TRIM2: variants seen among roughly 807,000 people sequenced by gnomAD.
TRIM2 encodes tripartite motif-containing protein 2.
Under a neutral mutation model 75.2 loss-of-function variants are expected in TRIM2, and 20 were observed. The observed-to-expected ratio is 0.27, with a 90% CI of 0.19 to 0.39. TRIM2 has a LOEUF of 0.39. Among genes scored for constraint, TRIM2 ranks in the 10% least tolerant of loss-of-function variants. TRIM2 has a pLI of 1.00. For missense variants in TRIM2, 660 were observed against 990.8 expected, an observed-to-expected ratio of 0.67 and a Z score of 4.48; for synonymous variants, 373 against 388.3, an observed-to-expected ratio of 0.96 and a Z score of 0.46.
chr4:153,166,042 T>G (rs1730264583), intron 1 of TRIM2, among the ~76,000 whole-genome samples: 2 of 152,192 alleles, frequency 1.3e-5, no homozygotes, highest in Admixed American at 1.3e-4. Context: ...CCTCTAATTT[T>G]CTTATCTTTA....
chr4:153,326,802 G>A (rs933355750), intron 10 of TRIM2, among the ~76,000 whole-genome samples: 8 of 152,242 alleles, frequency 5.3e-5, no homozygotes, highest in South Asian at 4.1e-4. Flanking sequence ...CCAACAGGGC[G>A]AAACCTCGTC....
At chr4:153,255,226 A>T (rs1313018928) in intron 1 of TRIM2, among the ~76,000 whole-genome samples, 1 of 152,218 alleles carries the variant, frequency 6.6e-6, no homozygotes, top group Non-Finnish European at 1.5e-5. Flanking sequence ...CTTGGAACAC[A>T]TGACACTCAA....
At chr4:153,322,376 A>G (rs1032632943) in intron 8 of TRIM2, among the ~76,000 whole-genome samples, 1 of 152,198 alleles carries the variant, frequency 6.6e-6, no homozygotes, top group African/African-American at 2.4e-5. Context: ...GCACCACTGC[A>G]CTCCAGCTGG....
intron 6 of TRIM2, among the ~76,000 whole-genome samples, chr4:153,311,661 G>A (rs1766326913): frequency 6.9e-6 from 1 of 145,292 alleles, no homozygotes; most frequent in Admixed American, 6.8e-5. Flanking sequence ...TTTGGTTTAT[G>A]GTCCAGCCTC....
At chr4:153,267,488 T>A (rs1202192608) in intron 1 of TRIM2, among the ~76,000 whole-genome samples, 1 of 150,852 alleles carries the variant, frequency 6.6e-6, no homozygotes, top group South Asian at 2.1e-4. Flanking sequence ...CCATCTCTAC[T>A]AAAAATACAA....
intron 3 of TRIM2, among the ~76,000 whole-genome samples, chr4:153,287,563 T>C (rs1032554339): frequency 1.3e-4 from 20 of 152,208 alleles, no homozygotes; most frequent in African/African-American, 4.8e-4. Context: ...CCATTTTGAT[T>C]CCCTTCTCAT....
chr4:153,244,141 CTTG>C lies in TRIM2; in HGVS notation c.31-26191_31-26189del, dbSNP rs1399040693. Among the ~76,000 whole-genome samples the C allele has an allele frequency of 2.2e-3, 307 of 138,700 alleles. 1 individual carries two copies. The highest frequency in any genetic ancestry group is 5.7e-3 in the South Asian group (22 of 3,842). The allele number at this position is 138,700 out of a possible 152,430, so 91.0% of individuals were successfully genotyped here. A position where few individuals can be genotyped will look rare whatever the true frequency, so the allele number is the denominator to read the frequency against. ...CTGCCATCTTCTTCTTCTTCTTCTT[CTTG>C]TTCTTCTTGTTCTTCTTCTTCTTCT... is the stretch of plus-strand genomic sequence containing the variant. On this transcript the variant is annotated intron_variant, in intron 1 of 11. Coordinates refer to ENST00000338700, the MANE Select transcript of TRIM2 (RefSeq NM_015271.5).
chr4:153,308,791 A>G (rs2150207390), intron 6 of TRIM2: 1 of 484,616 alleles, frequency 2.1e-6, no homozygotes, highest in South Asian at 1.7e-5. Flanking sequence ...GGGCACCAAG[A>G]CCTGAGAGCG....
At chr4:153,222,368 G>A (rs2149765467) in intron 1 of TRIM2, 1 of 152,250 alleles carries the variant, frequency 6.6e-6, no homozygotes, top group East Asian at 1.9e-4. Context: ...ACGGGACTGG[G>A]GAAGAGGATG....
rs141010145 is a variant in TRIM2 at position 153,290,796 on chromosome 4, T to G, written c.454-2186T>G. Among the ~76,000 whole-genome samples the G allele has an allele frequency of 1.5e-3, 229 of 152,230 alleles. 2 individuals carry two copies. In the East Asian group the frequency reaches 0.037, roughly 25 times the overall value. On this transcript the variant is annotated intron_variant, in intron 3 of 11. Coordinates refer to ENST00000338700, the MANE Select transcript of TRIM2 (RefSeq NM_015271.5). ...CATGTGCCACCACGTCCAGTTAATTTTTTAAATTTTTTTCTAGAGACAGAG... is the reference window on the plus strand; with the variant it reads ...CATGTGCCACCACGTCCAGTTAATTGTTTAAATTTTTTTCTAGAGACAGAG...
chr4:153,338,876 A>T lies in TRIM2; in HGVS notation c.*3910A>T. The T allele has an allele frequency of 1.0e-6, 1 of 985,592 alleles. No individual in the cohort carries two copies. 61.1% of individuals were successfully genotyped at this position (985,592 alleles called of 1,614,324 possible). ...CATGGGAATGTTCTGTCATCAATGG[A>T]GTGTATTCTTGTAATAGAATTCTTT... On this transcript the variant is annotated 3_prime_UTR_variant, in exon 12 of 12. Coordinates refer to ENST00000338700, the MANE Select transcript of TRIM2 (RefSeq NM_015271.5).
At chr4:153,227,396 T>G (rs1176514057) in intron 1 of TRIM2, among the ~76,000 whole-genome samples, 3 of 152,192 alleles carry the variant, frequency 2.0e-5, no homozygotes, top group Non-Finnish European at 2.9e-5. Flanking sequence ...TAGATAGGCT[T>G]GAGCTTTGCC....
chr4:153,180,244 G>T (rs1731912592), intron 1 of TRIM2, among the ~76,000 whole-genome samples: 1 of 152,162 alleles, frequency 6.6e-6, no homozygotes, highest in African/African-American at 2.4e-5. Context: ...ATTTTGCTGT[G>T]TAGTAATGTC....
chr4:153,333,093 T>C (rs2405967), intron 11 of TRIM2, among the ~76,000 whole-genome samples: 33,379 of 152,114 alleles, frequency 0.22, 4,226 homozygotes, highest in South Asian at 0.36. Context: ...AGGTTCATGA[T>C]TAAACAAACT....
In TRIM2 at chr4:153,315,841, A is replaced by T. The variant is rs1767477151; in HGVS notation, c.1624A>T (p.Asn542Tyr). 1 of 1,614,030 alleles carries T rather than the reference A, an allele frequency of 6.2e-7. No individual in the cohort carries two copies. Residue 542 changes from asparagine to tyrosine, a missense_variant, in exon 8 of 12, where the codon AAT becomes TAT. This residue lies in a region of TRIM2 where 620 missense variants were observed against 891.0 expected (regional missense o/e 0.70). Transcript: ENST00000338700. ...SNNQCVQIFS[N>Y]DGQFKSRFGI... ...GTAATTTATCTTACAGATATTTTCC[A>T]ATGATGGCCAGTTCAAAAGTCGTTT...
At chr4:153,263,772 C>T (rs1282023108) in intron 1 of TRIM2, among the ~76,000 whole-genome samples, 1 of 152,204 alleles carries the variant, frequency 6.6e-6, no homozygotes, top group East Asian at 1.9e-4. Context: ...CAGGGTGCCC[C>T]CATGGTGGGT....
In TRIM2 at chr4:153,295,733, G is replaced by A. The variant is rs1762639073; in HGVS notation, c.1207G>A (p.Val403Met). ...TAELSTPDGS[V>M]ADGEILDNKN... The stretch of plus-strand genomic sequence containing the variant: ...CGAACTGAGCACCCCCGACGGGAGC[G>A]TGGCAGACGGGGAGATCCTGGACAA... The change falls in exon 6 of 12, where the codon GTG becomes ATG. Residue 403 changes from valine (V) to methionine (M), a missense_variant. Physicochemically the swap from Val to Met is conservative, Grantham distance 21. Around this residue, in one of 2 missense-constraint regions of TRIM2, gnomAD observed 620 missense variants for 891.0 expected, o/e 0.70. Transcript: ENST00000338700. This position sits in a 1 kb window ranked among gnomAD's most constrained non-coding sequence, Gnocchi z 7.2. 1.9e-6 allele frequency: 3 copies of A among 1,614,032 alleles called. No individual in the cohort carries two copies. Among genetic ancestry groups the A allele is most frequent in the East Asian group, 2.2e-5 (1 of 44,880 alleles).
chr4:153,267,843 C>A (rs1755665505), intron 1 of TRIM2, among the ~76,000 whole-genome samples: 1 of 152,010 alleles, frequency 6.6e-6, no homozygotes, highest in Non-Finnish European at 1.5e-5. Context: ...TCGCCTGCTG[C>A]CTAGATAGAG....
At chr4:153,220,803 T>C (rs1197923183) in intron 1 of TRIM2, among the ~76,000 whole-genome samples, 3 of 152,166 alleles carry the variant, frequency 2.0e-5, no homozygotes, top group African/African-American at 7.2e-5. Flanking sequence ...CTTAACATTA[T>C]TTGTCATTAG....
Sources: allele counts gnomAD v4.1 joint callset (sites outside exome capture counted in the v4.1 genomes callset), GRCh38; gene constraint gnomAD v4.1.1; regional missense constraint gnomAD v4.1.1; non-coding constraint Gnocchi (gnomAD v3.1); transcripts MANE v1.5; gene names NCBI Gene and HGNC (gene_info 2026-07-23, HGNC 2026-07-21).